The following GFM2 variants were observed in gnomAD, a reference collection of about 807,000 sequenced individuals.
GFM2 encodes the protein ribosome-releasing factor 2, mitochondrial.
Under a neutral mutation model 95.4 loss-of-function variants are expected in GFM2, and 72 were observed. The observed-to-expected ratio is 0.76, with a 90% CI of 0.62 to 0.92. The LOEUF is 0.92. Ranked by LOEUF, GFM2 falls within the 40% of genes least tolerant of loss-of-function variation. GFM2 has a pLI of 0.00. For missense variants in GFM2, 825 were observed against 924.1 expected (o/e 0.89, Z 1.39); for synonymous variants, 276 against 317.5 (o/e 0.87, Z 1.39).
intron 16 of GFM2, among the ~76,000 whole-genome samples, chr5:74,732,087 T>C (rs1742593909): frequency 6.6e-6 from 1 of 151,404 alleles, no homozygotes; most frequent in Admixed American, 6.6e-5. Context: ...CCTGAGTCGC[T>C]GGGACCACAG....
At chr5:74,748,457 T>C (rs958873418) in intron 7 of GFM2, among the ~76,000 whole-genome samples, 6 of 152,220 alleles carry the variant, frequency 3.9e-5, no homozygotes, top group Non-Finnish European at 7.3e-5. Context: ...AGCTTCAGTG[T>C]CTTATTCTTG....
At chr5:74,725,436 T>C (rs1052281490) in intron 19 of GFM2, among the ~76,000 whole-genome samples, 2 of 152,164 alleles carry the variant, frequency 1.3e-5, no homozygotes, top group Non-Finnish European at 2.9e-5. Flanking sequence ...CCATGTTACA[T>C]AGTAATTTCT....
At chr5:74,734,579 T>C (rs1221040889) in intron 15 of GFM2, among the ~76,000 whole-genome samples, 1 of 152,190 alleles carries the variant, frequency 6.6e-6, no homozygotes, top group African/African-American at 2.4e-5. Flanking sequence ...TTAAGAGGCA[T>C]TATTGTAGAT....
rs1286849684 is a variant in GFM2, at chr5:74,760,931, G to A, written c.119C>T (p.Pro40Leu). ...ASLKRLKPHV[P>L]LGRNCSSLPG... ...TAGAGAACTGCAATTTCTTCCAAGC[G>A]GCACATGTGGCTTTAATCTTTTTAA... is the stretch of plus-strand genomic sequence containing the variant. The change falls in exon 3 of 21, where the codon CCG becomes CTG. Residue 40 changes from proline (P) to leucine (L), a missense_variant. Physicochemically the swap from Pro to Leu is moderately conservative, Grantham distance 98. Coordinates refer to ENST00000296805, the MANE Select transcript of GFM2 (RefSeq NM_032380.5). 6.2e-6 allele frequency: 10 copies of A among 1,610,168 alleles called. No homozygotes were observed. The highest frequency in any genetic ancestry group is 5.9e-6 in the Non-Finnish European group (7 of 1,176,936).
chr5:74,758,917 A>G lies in GFM2; in HGVS notation c.236T>C (p.Ile79Thr). ...TGTGGTGGTAGTTTTGCCTGCATCAATATGAGCCATAATTCCAATATTACG... is the reference window on the plus strand; with the variant it reads ...TGTGGTGGTAGTTTTGCCTGCATCAGTATGAGCCATAATTCCAATATTACG... ...KIRNIGIMAH[I>T]DAGKTTTTER... The change falls in exon 5 of 21, where the codon ATT (isoleucine) becomes ACT (threonine). Residue 79 changes from isoleucine to threonine, a missense_variant. By Grantham distance (89) the Ile-to-Thr change is moderately conservative. Coordinates refer to ENST00000296805, the MANE Select transcript of GFM2 (RefSeq NM_032380.5). 1.2e-6 allele frequency: 2 copies of G among 1,607,910 alleles called. No individual in the cohort carries two copies. The highest frequency in any genetic ancestry group is 8.5e-7 in the Non-Finnish European group (1 of 1,174,348).
chr5:74,759,415 T>A lies in GFM2; in HGVS notation c.160A>T (p.Asn54Tyr), dbSNP rs1336970619. The part of the protein sequence containing the change: ...NCSSLPGLIG[N>Y]DIKSLHSIIN... ...ATGGAATGAAGGGATTTGATATCAT[T>A]TCCTATTAAGCCTAATGAAAAGAAA... is the stretch of plus-strand genomic sequence containing the variant. The change falls in exon 4 of 21, where the codon AAT becomes TAT. Residue 54 changes from asparagine to tyrosine, a missense_variant. Asn to Tyr is a moderately radical substitution (Grantham distance 143). Coordinates refer to ENST00000296805, the MANE Select transcript of GFM2 (RefSeq NM_032380.5). 1 of 1,519,044 alleles carries A rather than the reference T, an allele frequency of 6.6e-7. No homozygotes were observed. The highest frequency in any genetic ancestry group is 9.1e-7 in the Non-Finnish European group (1 of 1,099,074). The allele number at this position is 1,519,044 out of a possible 1,614,324, so 94.1% of individuals were successfully genotyped here. A position where few individuals can be genotyped will look rare whatever the true frequency, so the allele number is the denominator to read the frequency against.
At chr5:74,734,513 G>A (rs13164140) in intron 15 of GFM2, among the ~76,000 whole-genome samples, 28,126 of 151,932 alleles carry the variant, frequency 0.19, 3,049 homozygotes, top group Non-Finnish European at 0.24. Context: ...TGGACCTACT[G>A]AGTCAGAGTC....
chr5:74,724,079 C>T (rs1750040240), intron 19 of GFM2, among the ~76,000 whole-genome samples: 1 of 152,090 alleles, frequency 6.6e-6, no homozygotes, highest in Non-Finnish European at 1.5e-5. Flanking sequence ...AGCAGTACTT[C>T]CATTAGGAGT....
At chr5:74,736,543 CATAG>C in intron 15 of GFM2, 2 of 1,315,076 alleles carry the variant, frequency 1.5e-6, no homozygotes, top group Non-Finnish European at 1.9e-6. Flanking sequence ...CTTAGAATCC[CATAG>C]ATAGCACTAC....
At chr5:74,722,709 G>C in intron 19 of GFM2, 148 bp from the exon 20 acceptor site, 1 of 598,430 alleles carries the variant, frequency 1.7e-6, no homozygotes, top group East Asian at 2.9e-5. Flanking sequence ...TATAATATTT[G>C]CTTGTATAAT....
Position 74,736,803 on chromosome 5 carries a change from C to T in GFM2, c.1503G>A (p.Lys501=). The T allele has an allele frequency of 1.2e-6, 2 of 1,613,870 alleles. No homozygotes were observed. Among genetic ancestry groups the T allele is most frequent in the Non-Finnish European group, 1.7e-6 (2 of 1,179,798 alleles). Residue 501 remains lysine, a synonymous_variant, in exon 15 of 21, where the codon AAG becomes AAA. Transcript: ENST00000296805. ...FCTIEPPSLS[K]QPDLEHALKC... ...CACTAAGACCATTTATACCTGGCTG[C>T]TTAGACAGTGATGGGGGTTCTATGG...
At chr5:74,758,517 A>G (rs959022490) in intron 5 of GFM2, among the ~76,000 whole-genome samples, 2 of 152,202 alleles carry the variant, frequency 1.3e-5, no homozygotes, top group African/African-American at 4.8e-5. Context: ...CAAAGAAGAT[A>G]GCTCCCAGAT....
chr5:74,747,893 C>T, intron 7 of GFM2, 113 bp from the exon 8 acceptor site: 1 of 609,204 alleles, frequency 1.6e-6, no homozygotes, highest in Non-Finnish European at 2.9e-6. Context: ...CCTATTCTAG[C>T]AGAGAATTAG....
chr5:74,748,392 A>C (rs1239927449), intron 7 of GFM2, among the ~76,000 whole-genome samples: 1 of 152,180 alleles, frequency 6.6e-6, no homozygotes, highest in African/African-American at 2.4e-5. Flanking sequence ...GTTACTCCTG[A>C]AATTTTTCTC....
rs754413235 is a variant in GFM2 at position 74,758,941 on chromosome 5, C to T, written c.212G>A (p.Arg71His). ...SIINPPIAKI[R>H]NIGIMAHIDA... Reference sequence around the variant, plus strand: ...AATATGAGCCATAATTCCAATATTACGGATTCTGTTTAAAAGGAAAAAATA... The same window carrying T: ...AATATGAGCCATAATTCCAATATTATGGATTCTGTTTAAAAGGAAAAAATA... The change falls in exon 5 of 21, where the codon CGT becomes CAT. Residue 71 changes from arginine to histidine, a missense_variant. Transcript: ENST00000296805. 9.4e-6 allele frequency: 15 copies of T among 1,596,044 alleles called. No individual in the cohort carries two copies. The highest frequency in any genetic ancestry group is 4.5e-5 in the East Asian group (2 of 44,728).
At chr5:74,739,076 AC>A (rs1225436096) in intron 12 of GFM2, among the ~76,000 whole-genome samples, 1 of 151,994 alleles carries the variant, frequency 6.6e-6, no homozygotes, top group Non-Finnish European at 1.5e-5. Context: ...CATAACCAAC[AC>A]TCTTAACAGA....
intron 3 of GFM2, 43 bp downstream of exon 3, chr5:74,760,859 A>C: frequency 8.1e-7 from 1 of 1,229,996 alleles, no homozygotes; most frequent in Non-Finnish European, 1.2e-6. Flanking sequence ...AAAGAGATAA[A>C]GCAAACAGCT....
chr5:74,745,616 A>C lies in GFM2; in HGVS notation c.849+62T>G, dbSNP rs563929142. On this transcript the variant is annotated intron_variant, in intron 10 of 20. Coordinates refer to ENST00000296805, the MANE Select transcript of GFM2 (RefSeq NM_032380.5). Reference sequence around the variant, plus strand: ...AATCCCCGAGAGATGCTAAAGTATGACTATATTTTAAGATAAGTGGTGCAC... The same window carrying C: ...AATCCCCGAGAGATGCTAAAGTATGCCTATATTTTAAGATAAGTGGTGCAC... The C allele has an allele frequency of 1.0e-5, 14 of 1,357,692 alleles. No individual in the cohort carries two copies. In the South Asian group the frequency reaches 2.0e-4, roughly 19 times the overall value. 84.1% of individuals were successfully genotyped at this position (1,357,692 alleles called of 1,614,324 possible).
At chr5:74,751,260 T>C in intron 6 of GFM2, 108 bp downstream of exon 6, 2 of 1,066,082 alleles carry the variant, frequency 1.9e-6, no homozygotes, top group East Asian at 2.4e-5. Flanking sequence ...ATGGTAAATT[T>C]TGCAACACAT....
Sources: gnomAD v4.1 joint callset for allele counts (sites outside exome capture counted in the v4.1 genomes callset) on GRCh38, gnomAD v4.1.1 for gene constraint, MANE v1.5 for transcripts, NCBI Gene and HGNC (gene_info 2026-07-23, HGNC 2026-07-21) for gene names.